The following ITGA9 variants were observed in gnomAD, a reference collection of about 807,000 sequenced individuals.
ITGA9 encodes integrin subunit alpha 9, also known as integrin alpha-9.
ITGA9 carries 56 observed loss-of-function variants against 127.8 expected under a neutral mutation model. The ratio of observed to expected loss-of-function variants is 0.44; its 90% CI spans 0.35 to 0.55. The LOEUF (loss-of-function observed/expected upper bound fraction) is 0.55, where lower values mean the gene tolerates loss of function less well. ITGA9 is among the 20% of genes least tolerant of loss of function. The probability of loss-of-function intolerance (pLI) is 0.00; values close to 1 mark genes in which losing one functional copy is unlikely to be tolerated. For missense variants in ITGA9, 1,196 were observed against 1,347.1 expected (o/e 0.89, Z 1.76); for synonymous variants, 508 against 514.5 (o/e 0.99, Z 0.17).
intron 4 of ITGA9, among the ~76,000 whole-genome samples, chr3:37,491,282 C>A (rs1698670547): frequency 6.6e-6 from 1 of 152,146 alleles, no homozygotes; most frequent in Non-Finnish European, 1.5e-5. Context: ...GGCCAGCTTC[C>A]CCAAATGTAA....
chr3:37,813,456 C>G (rs1472536036), intron 27 of ITGA9, among the ~76,000 whole-genome samples: 1 of 152,102 alleles, frequency 6.6e-6, no homozygotes, highest in Non-Finnish European at 1.5e-5. Context: ...AAGGGGATGA[C>G]AAAAACCTTG....
chr3:37,452,546 G>A lies in ITGA9; in HGVS notation c.172G>A (p.Asp58Asn). ...FGYAVLEHFH[D>N]NTRWVLVGAP... ...CTACGCAGTTCTGGAGCATTTCCAC[G>A]ACAACACGCGCTGGTGAGTGCCCGC... Residue 58 changes from aspartate to asparagine, a missense_variant, in exon 1 of 28, where the codon GAC (aspartate) becomes AAC (asparagine). Physicochemically the swap from Asp to Asn is conservative, Grantham distance 23 (BLOSUM62 1). Transcript: ENST00000264741. This position sits in a 1 kb window ranked among gnomAD's most constrained non-coding sequence, Gnocchi z 7.3. 2.0e-6 allele frequency: 3 copies of A among 1,522,810 alleles called. No homozygotes were observed. Among genetic ancestry groups the A allele is most frequent in the Non-Finnish European group, 2.6e-6 (3 of 1,134,738 alleles). 94.3% of individuals were successfully genotyped at this position (1,522,810 alleles called of 1,614,324 possible). A position where few individuals can be genotyped will look rare whatever the true frequency, so the allele number is the denominator to read the frequency against.
rs1697504777 is a variant in ITGA9, at chr3:37,820,819, A to G, written c.*1830A>G. ...CATGGCATCCAGTGCGGATGAAACA[A>G]TCTATAAAACCAAGGGTCTTTCTTA... On this transcript the variant is annotated 3_prime_UTR_variant, in exon 28 of 28. Transcript: ENST00000264741. 1.3e-5 allele frequency: 2 copies of G among 152,222 alleles called. No individual in the cohort carries two copies. The highest frequency in any genetic ancestry group is 2.9e-5 in the Non-Finnish European group (2 of 68,036). 9.4% of individuals were successfully genotyped at this position (152,222 alleles called of 1,614,324 possible).
At position 37,814,942 on chromosome 3, in the gene ITGA9, C is replaced by T. The variant is rs1697412280; in HGVS notation, c.3010-3949C>T. On this transcript the variant is annotated intron_variant, in intron 27 of 27. Coordinates refer to ENST00000264741, the MANE Select transcript of ITGA9 (RefSeq NM_002207.3). The surrounding 1 kb of genome is among the most constrained non-coding windows in gnomAD (Gnocchi z 4.3). ...TACATCAGTGGTAGCTCTGATCTCCCATCCAAGAGATTACGCATAGGCTGT... is the reference window on the plus strand; with the variant it reads ...TACATCAGTGGTAGCTCTGATCTCCTATCCAAGAGATTACGCATAGGCTGT... 6.6e-6 allele frequency among the ~76,000 whole-genome samples: 1 copy of T among 152,134 alleles called. No individual in the cohort carries two copies.
intron 18 of ITGA9, among the ~76,000 whole-genome samples, chr3:37,693,234 C>A (rs1364356348): frequency 6.6e-6 from 1 of 152,052 alleles, no homozygotes; most frequent in East Asian, 1.9e-4. Context: ...GATGGATAGG[C>A]CCTAGGTCCT....
chr3:37,535,722 C>T (rs1699201268), intron 14 of ITGA9, among the ~76,000 whole-genome samples: 1 of 152,132 alleles, frequency 6.6e-6, no homozygotes, highest in Non-Finnish European at 1.5e-5. Context: ...GTCAAACATC[C>T]CTTTACACTC....
At chr3:37,476,264 A>G (rs1055584727) in intron 3 of ITGA9, among the ~76,000 whole-genome samples, 2 of 152,100 alleles carry the variant, frequency 1.3e-5, no homozygotes, top group African/African-American at 4.8e-5. Flanking sequence ...AAACCTCCAT[A>G]CTATTTTCCC....
intron 22 of ITGA9, among the ~76,000 whole-genome samples, chr3:37,747,479 T>C (rs1696515407): frequency 6.6e-6 from 1 of 152,288 alleles, no homozygotes; most frequent in Non-Finnish European, 1.5e-5. Flanking sequence ...TATCAATTGC[T>C]AGGTCTTATT....
chr3:37,498,731 C>T (rs1698757645), intron 5 of ITGA9, among the ~76,000 whole-genome samples: 1 of 152,208 alleles, frequency 6.6e-6, no homozygotes, highest in Non-Finnish European at 1.5e-5. Flanking sequence ...ACTCTGTCCT[C>T]TGACCCCGGC....
chr3:37,818,704 T>A (rs1322063645), intron 27 of ITGA9, 187 bp from the exon 28 acceptor site: 1 of 637,700 alleles, frequency 1.6e-6, no homozygotes, highest in African/African-American at 1.8e-5. Flanking sequence ...AGGAAGTCCA[T>A]GCATTTTGAA....
chr3:37,548,313 T>C (rs1029022037), intron 15 of ITGA9, among the ~76,000 whole-genome samples: 2 of 152,164 alleles, frequency 1.3e-5, no homozygotes, highest in Non-Finnish European at 2.9e-5. Flanking sequence ...GGGCTGATGA[T>C]GATTGACTTC....
intron 17 of ITGA9, among the ~76,000 whole-genome samples, chr3:37,656,662 C>T (rs1015697145): frequency 6.6e-6 from 1 of 152,168 alleles, no homozygotes; most frequent in African/African-American, 2.4e-5. Context: ...TTCCTCTTTT[C>T]CTATTTGAAT....
rs1697501584 is a variant in ITGA9, at chr3:37,820,532, T to G, written c.*1543T>G. 1 of 152,306 alleles carries G rather than the reference T, an allele frequency of 6.6e-6. No homozygotes were observed. The highest frequency in any genetic ancestry group is 6.5e-5 in the Admixed American group (1 of 15,276). 9.4% of individuals were successfully genotyped at this position (152,306 alleles called of 1,614,324 possible). A position where few individuals can be genotyped will look rare whatever the true frequency, so the allele number is the denominator to read the frequency against. On this transcript the variant is annotated 3_prime_UTR_variant, in exon 28 of 28. Transcript: ENST00000264741. Reference sequence around the variant, plus strand: ...GCCTTCAGTATCCAAGCTCTCTGTTTGACAGTAGATATATTGTCAGATGCA... The same window carrying G: ...GCCTTCAGTATCCAAGCTCTCTGTTGGACAGTAGATATATTGTCAGATGCA...
Position 37,818,932 on chromosome 3 carries a change from T to C in ITGA9, c.3051T>C (p.Ala1017=), listed in dbSNP as rs201981551. Residue 1017 remains alanine, a synonymous_variant, in exon 28 of 28, where the codon GCT becomes GCC. Coordinates refer to ENST00000264741, the MANE Select transcript of ITGA9 (RefSeq NM_002207.3). ...GAAGGTACAAAGAAATTATCGAAGC[T>C]GAGAAGAACCGGAAAGAGAATGAAG... ...FRRRYKEIIE[A]EKNRKENEDS... 3.8e-5 allele frequency: 62 copies of C among 1,614,172 alleles called. 1 individual carries two copies. Among genetic ancestry groups the C allele is most frequent in the East Asian group, 2.5e-4 (11 of 44,886 alleles).
intron 15 of ITGA9, among the ~76,000 whole-genome samples, chr3:37,564,701 G>A (rs534767802): frequency 6.6e-6 from 1 of 152,250 alleles, no homozygotes; most frequent in East Asian, 1.9e-4. Flanking sequence ...TAATTCAACA[G>A]GCACCTGTTG....
At chr3:37,678,858 G>A (rs568666421) in intron 17 of ITGA9, among the ~76,000 whole-genome samples, 70 of 152,322 alleles carry the variant, frequency 4.6e-4, no homozygotes, top group African/African-American at 1.7e-3. Flanking sequence ...AGTGATGAAT[G>A]AGGACAGAAA....
chr3:37,752,627 T>C (rs1369884945), intron 23 of ITGA9, among the ~76,000 whole-genome samples: 1 of 152,230 alleles, frequency 6.6e-6, no homozygotes, highest in Admixed American at 6.5e-5. Flanking sequence ...GAGGATGGGC[T>C]TACTCGCCCT....
At chr3:37,812,021 C>T (rs1697374618) in intron 27 of ITGA9, among the ~76,000 whole-genome samples, 2 of 152,190 alleles carry the variant, frequency 1.3e-5, no homozygotes, top group African/African-American at 4.8e-5. Flanking sequence ...TTTGGCAACC[C>T]CTCCAGAGGT....
chr3:37,476,131 G>C (rs578147031), intron 3 of ITGA9, among the ~76,000 whole-genome samples: 1 of 152,166 alleles, frequency 6.6e-6, no homozygotes, highest in Non-Finnish European at 1.5e-5. Flanking sequence ...CCTGGCTGCC[G>C]TGATGAATGC....
Sources: allele counts gnomAD v4.1 joint callset (sites outside exome capture counted in the v4.1 genomes callset), GRCh38; gene constraint gnomAD v4.1.1; non-coding constraint Gnocchi (gnomAD v3.1); transcripts MANE v1.5; gene names NCBI Gene and HGNC (gene_info 2026-07-23, HGNC 2026-07-21).